Variants in CNBD1 observed in about 807,000 individuals in gnomAD.
CNBD1 encodes cyclic nucleotide-binding domain-containing protein 1.
A neutral mutation model predicts 54.4 loss-of-function variants in CNBD1; 71 were observed. That is an observed-to-expected ratio of 1.30 (90% CI 1.08 to 1.59). The LOEUF is 1.59. CNBD1 is among the 40% of genes most tolerant of loss of function. The probability of loss-of-function intolerance (pLI) is 0.00; values close to 1 mark genes in which losing one functional copy is unlikely to be tolerated. For synonymous variants in CNBD1, 182 were observed against 170.7 expected (o/e 1.07, Z -0.51); for missense variants, 659 against 518.0 (o/e 1.27, Z -2.64).
At chr8:87,054,864 G>A (rs978136697) in intron 4 of CNBD1, among the ~76,000 whole-genome samples, 1 of 152,194 alleles carries the variant, frequency 6.6e-6, no homozygotes, top group Admixed American at 6.5e-5. Context: ...GAGCAGGGTT[G>A]ATAAAGTCCT....
intron 4 of CNBD1, among the ~76,000 whole-genome samples, chr8:86,969,832 T>TGTGTG (rs1808180641): frequency 6.6e-6 from 1 of 150,578 alleles, no homozygotes; most frequent in Admixed American, 6.6e-5. Context: ...ATATATATAG[T>TGTGTG]GTGTGTGCGT....
chr8:86,951,581 C>CAAAAAAAAAA (rs71275901), intron 4 of CNBD1, among the ~76,000 whole-genome samples: 1,157 of 37,352 alleles, frequency 0.031, 396 homozygotes, highest in East Asian at 0.057. Context: ...CTCCGTCTCA[C>CAAAAAAAAAA]AAAAAAAAAA....
intron 2 of CNBD1, among the ~76,000 whole-genome samples, chr8:87,404,489 T>G (rs1586081825): frequency 6.6e-6 from 1 of 152,102 alleles, no homozygotes; most frequent in South Asian, 2.1e-4. Context: ...ACAAGATTTA[T>G]GGTGTCGAAA....
intron 3 of CNBD1, among the ~76,000 whole-genome samples, chr8:86,931,478 A>ATT (rs71275896): frequency 0.017 from 2,532 of 150,922 alleles, 67 homozygotes; most frequent in African/African-American, 0.056. Flanking sequence ...CTCATTGCAC[A>ATT]TTTTTTTTTA....
chr8:87,404,019 A>G (rs1250915101), intron 2 of CNBD1, among the ~76,000 whole-genome samples: 2 of 152,080 alleles, frequency 1.3e-5, no homozygotes, highest in African/African-American at 2.4e-5. Flanking sequence ...AACTGAGAGC[A>G]CTATTAGAGA....
intron 2 of CNBD1, among the ~76,000 whole-genome samples, chr8:86,898,072 G>C (rs1178787132): frequency 6.6e-6 from 1 of 152,086 alleles, no homozygotes; most frequent in African/African-American, 2.4e-5. Flanking sequence ...AATATGGGCA[G>C]GTCTCTAAGT....
intron 4 of CNBD1, among the ~76,000 whole-genome samples, chr8:87,048,335 A>C (rs1474700581): frequency 1.3e-5 from 2 of 152,200 alleles, no homozygotes; most frequent in Non-Finnish European, 2.9e-5. Flanking sequence ...AAGGCCAACC[A>C]CACATTATTT....
chr8:86,968,028 A>C (rs918193601), intron 4 of CNBD1, among the ~76,000 whole-genome samples: 2 of 152,050 alleles, frequency 1.3e-5, no homozygotes, highest in Non-Finnish European at 2.9e-5. Flanking sequence ...GGAATGTTAC[A>C]TGTGCTTCTG....
intron 4 of CNBD1, among the ~76,000 whole-genome samples, chr8:86,959,708 T>G (rs1203106575): frequency 1.3e-5 from 2 of 152,170 alleles, no homozygotes; most frequent in African/African-American, 4.8e-5. Context: ...ATCAGGTCAT[T>G]TAAGGTCTTC....
chr8:87,284,528 G>A (rs1642552728), intron 6 of CNBD1, 150 bp from the exon 7 acceptor site: 2 of 495,356 alleles, frequency 4.0e-6, no homozygotes, highest in African/African-American at 2.0e-5. Context: ...AAGTGACATC[G>A]AGCAGAAGTA....
intron 6 of CNBD1, among the ~76,000 whole-genome samples, chr8:87,261,277 G>T (rs1334125133): frequency 4.6e-5 from 7 of 152,108 alleles, no homozygotes; most frequent in African/African-American, 1.7e-4. Context: ...ATCCCCAGCT[G>T]CTCTGAGAGA....
At chr8:87,391,715 G>A (rs1163866468) in intron 2 of CNBD1, among the ~76,000 whole-genome samples, 2 of 152,010 alleles carry the variant, frequency 1.3e-5, no homozygotes, top group Non-Finnish European at 2.9e-5. Flanking sequence ...AGACTTAATT[G>A]TAAGAACTAA....
At chr8:86,920,328 A>C (rs1271331889) in intron 3 of CNBD1, among the ~76,000 whole-genome samples, 1 of 152,208 alleles carries the variant, frequency 6.6e-6, no homozygotes, top group African/African-American at 2.4e-5. Flanking sequence ...AAATCAGATA[A>C]GAAAAAGAGA....
At chr8:87,115,819 A>T (rs1811755723) in intron 4 of CNBD1, among the ~76,000 whole-genome samples, 1 of 152,154 alleles carries the variant, frequency 6.6e-6, no homozygotes, top group Admixed American at 6.5e-5. Flanking sequence ...TCTGGAAGCT[A>T]CCTCTTCCCA....
intron 2 of CNBD1, among the ~76,000 whole-genome samples, chr8:87,405,017 T>A (rs1360582083): frequency 6.6e-6 from 1 of 151,970 alleles, no homozygotes; most frequent in Non-Finnish European, 1.5e-5. Flanking sequence ...GATTTTTGAG[T>A]CATAAAACTG....
At chr8:87,218,522 A>G (rs1814261718) in intron 5 of CNBD1, among the ~76,000 whole-genome samples, 1 of 152,030 alleles carries the variant, frequency 6.6e-6, no homozygotes, top group South Asian at 2.1e-4. Context: ...TGCCTGGTAA[A>G]GGGTATTCTA....
intron 6 of CNBD1, among the ~76,000 whole-genome samples, chr8:87,260,688 C>T (rs1307379517): frequency 6.6e-6 from 1 of 152,054 alleles, no homozygotes; most frequent in African/African-American, 2.4e-5. Flanking sequence ...TGACCCAGCT[C>T]ACCATACCAT....
intron 4 of CNBD1, among the ~76,000 whole-genome samples, chr8:87,059,961 C>T (rs1314972880): frequency 6.6e-6 from 1 of 152,184 alleles, no homozygotes; most frequent in Non-Finnish European, 1.5e-5. Context: ...GCTAAGAGGT[C>T]AGGACAACTC....
At chr8:87,131,903 G>A (rs1346382950) in intron 4 of CNBD1, among the ~76,000 whole-genome samples, 1 of 151,958 alleles carries the variant, frequency 6.6e-6, no homozygotes, top group East Asian at 1.9e-4. Context: ...TATAGTGTTA[G>A]TCTGCTGAGG....
Sources: gnomAD v4.1 joint callset for allele counts (sites outside exome capture counted in the v4.1 genomes callset) on GRCh38, gnomAD v4.1.1 for gene constraint, MANE v1.5 for transcripts, NCBI Gene and HGNC (gene_info 2026-07-23, HGNC 2026-07-21) for gene names.